Variants in SGMS1 observed in about 807,000 individuals in gnomAD.
The protein encoded by SGMS1 is sphingomyelin synthase 1.
SGMS1 carries 13 observed loss-of-function variants against 46.2 expected under a neutral mutation model. That is an observed-to-expected ratio of 0.28 (90% CI 0.18 to 0.45). SGMS1 has a LOEUF of 0.45. Among genes scored for constraint, SGMS1 ranks in the 20% least tolerant of loss-of-function variants. SGMS1 has a pLI of 1.00. For synonymous variants in SGMS1, 203 were observed against 187.8 expected, an observed-to-expected ratio of 1.08 and a Z score of -0.66; for missense variants, 324 against 519.9, an observed-to-expected ratio of 0.62 and a Z score of 3.66.
intron 2 of SGMS1, among the ~76,000 whole-genome samples, chr10:50,569,079 A>T (rs1838315071): frequency 1.3e-5 from 2 of 151,778 alleles, no homozygotes; most frequent in Middle Eastern, 3.4e-3. Flanking sequence ...ATTCTCACTC[A>T]TTCATAAGTG....
chr10:50,526,313 C>A (rs1837901164), intron 2 of SGMS1, among the ~76,000 whole-genome samples: 2 of 152,038 alleles, frequency 1.3e-5, no homozygotes, highest in Admixed American at 1.3e-4. Flanking sequence ...ACTTTTCAAA[C>A]CATCAGATGT....
chr10:50,411,817 A>G (rs1352537364), intron 6 of SGMS1, among the ~76,000 whole-genome samples: 5 of 152,186 alleles, frequency 3.3e-5, no homozygotes, highest in East Asian at 1.9e-4. Context: ...TTCTTTGCCA[A>G]TACTGCTTAC....
chr10:50,529,357 T>G (rs1837931786), intron 2 of SGMS1, among the ~76,000 whole-genome samples: 1 of 152,196 alleles, frequency 6.6e-6, no homozygotes, highest in South Asian at 2.1e-4. Context: ...AAAGTCCATA[T>G]TTTGGAGACC....
chr10:50,372,813 T>G (rs753251906), intron 6 of SGMS1, among the ~76,000 whole-genome samples: 1 of 152,224 alleles, frequency 6.6e-6, no homozygotes, highest in Non-Finnish European at 1.5e-5. Flanking sequence ...TGAGCCCTAC[T>G]GGCCTTGGTA....
chr10:50,531,873 A>C (rs545526640), intron 2 of SGMS1, among the ~76,000 whole-genome samples: 1 of 152,358 alleles, frequency 6.6e-6, no homozygotes, highest in African/African-American at 2.4e-5. Flanking sequence ...TCTTACAGAT[A>C]AAGAGACTTA....
At chr10:50,514,139 A>ATGGCAATT (rs1253773194) in intron 3 of SGMS1, among the ~76,000 whole-genome samples, 97 of 152,244 alleles carry the variant, frequency 6.4e-4, no homozygotes, top group African/African-American at 2.2e-3. Flanking sequence ...CGCCTGTGCC[A>ATGGCAATT]ACATGTCGTT....
intron 2 of SGMS1, among the ~76,000 whole-genome samples, chr10:50,588,431 T>C (rs1279736034): frequency 6.6e-6 from 1 of 152,230 alleles, no homozygotes; most frequent in African/African-American, 2.4e-5. Flanking sequence ...GACAGCCATC[T>C]TGCAAGAACC....
At chr10:50,595,711 G>C (rs1196392292) in intron 1 of SGMS1, among the ~76,000 whole-genome samples, 1 of 152,162 alleles carries the variant, frequency 6.6e-6, no homozygotes, top group Non-Finnish European at 1.5e-5. Flanking sequence ...CTTGTGGTAG[G>C]CAAGTGTGAC....
At chr10:50,353,289 C>T in intron 6 of SGMS1, among the ~76,000 whole-genome samples, 1 of 152,268 alleles carries the variant, frequency 6.6e-6, no homozygotes, top group East Asian at 1.9e-4. Flanking sequence ...TCAACATACG[C>T]AAATCAATAA....
chr10:50,565,027 T>C (rs1462738061), intron 2 of SGMS1, among the ~76,000 whole-genome samples: 1 of 152,154 alleles, frequency 6.6e-6, no homozygotes. Flanking sequence ...ATTTGAGGGT[T>C]GGGGGAAGGG....
chr10:50,559,165 C>G (rs1838212782), intron 2 of SGMS1, among the ~76,000 whole-genome samples: 2 of 152,178 alleles, frequency 1.3e-5, no homozygotes, highest in Non-Finnish European at 2.9e-5. Flanking sequence ...CATCACATAT[C>G]AAAGGCCTGT....
intron 3 of SGMS1, among the ~76,000 whole-genome samples, chr10:50,484,186 G>C (rs1249399151): frequency 2.0e-5 from 3 of 151,848 alleles, no homozygotes; most frequent in Non-Finnish European, 4.4e-5. Context: ...GAATCAACTA[G>C]ACAAAATAAA....
chr10:50,317,695 C>T lies in SGMS1; in HGVS notation c.742-6280G>A, dbSNP rs180800423. Among the ~76,000 whole-genome samples the T allele has an allele frequency of 3.9e-5, 6 of 152,036 alleles. No individual in the cohort carries two copies. The East Asian group carries it at 7.7e-4, about 19-fold the overall frequency. ...TTTAAATATGTCATTTATTAATACA[C>T]GATTGAATAGCTAAAACAACATTTA... On this transcript the variant is annotated intron_variant, in intron 8 of 10. Coordinates refer to ENST00000361781, the MANE Select transcript of SGMS1 (RefSeq NM_147156.4).
chr10:50,405,366 T>C (rs936653192), intron 6 of SGMS1, among the ~76,000 whole-genome samples: 40 of 151,874 alleles, frequency 2.6e-4, no homozygotes, highest in Admixed American at 1.2e-3. Flanking sequence ...AGAGACAAAG[T>C]AGAGAAAAAG....
intron 2 of SGMS1, among the ~76,000 whole-genome samples, chr10:50,561,593 G>A (rs946940164): frequency 6.6e-6 from 1 of 152,140 alleles, no homozygotes; most frequent in African/African-American, 2.4e-5. Context: ...AATACTGAAA[G>A]ATTTAAAGCA....
At chr10:50,310,052 G>T (rs954059952) in intron 9 of SGMS1, among the ~76,000 whole-genome samples, 7 of 152,102 alleles carry the variant, frequency 4.6e-5, no homozygotes, top group Non-Finnish European at 7.4e-5. Context: ...CTGCCCCACT[G>T]GTTACAACCC....
At chr10:50,585,906 CTACAGAGGTTATGAT>C (rs1343090060) in intron 2 of SGMS1, among the ~76,000 whole-genome samples, 1 of 152,162 alleles carries the variant, frequency 6.6e-6, no homozygotes, top group East Asian at 1.9e-4. Context: ...TACTACATGA[CTACAGAGGTTATGAT>C]TACTATGTCC....
rs186753740 is a variant in SGMS1, at chr10:50,450,271, T to A, written c.-313+10402A>T. Among the ~76,000 whole-genome samples, 61 of 152,160 alleles carry A rather than the reference T, an allele frequency of 4.0e-4. 1 individual carries two copies. The East Asian group carries it at 8.1e-3, about 20-fold the overall frequency. ...AAACAAAGTGGAAGAGAGGAGTGAG[T>A]GTGAAAGCAGATTAAGGATTACAAG... On this transcript the variant is annotated intron_variant, in intron 5 of 10. Coordinates refer to ENST00000361781, the MANE Select transcript of SGMS1 (RefSeq NM_147156.4).
chr10:50,333,382 CAG>C (rs756755663), intron 7 of SGMS1, among the ~76,000 whole-genome samples: 10 of 152,254 alleles, frequency 6.6e-5, no homozygotes, highest in Admixed American at 1.3e-4. Context: ...ATGTATCTGC[CAG>C]AGTTACTCTG....
Sources: gnomAD v4.1 joint callset for allele counts (sites outside exome capture counted in the v4.1 genomes callset) on GRCh38, gnomAD v4.1.1 for gene constraint, MANE v1.5 for transcripts, NCBI Gene and HGNC (gene_info 2026-07-23, HGNC 2026-07-21) for gene names.